The following LRP1B variants were observed in gnomAD, a reference collection of about 807,000 sequenced individuals.
LRP1B encodes LDL receptor related protein 1B.
Under a neutral mutation model 556.6 loss-of-function variants are expected in LRP1B, and 217 were observed. The observed-to-expected ratio is 0.39, with a 90% CI of 0.35 to 0.44. The LOEUF is 0.44. LRP1B is among the 20% of genes least tolerant of loss of function. The pLI, the probability that LRP1B is intolerant of heterozygous loss-of-function variation, is 1.00. For missense variants in LRP1B, 5,053 were observed against 5,620.8 expected (o/e 0.90, Z 3.23); for synonymous variants, 2,047 against 1,865.8 (o/e 1.10, Z -2.50).
intron 2 of LRP1B, among the ~76,000 whole-genome samples, chr2:141,785,927 T>A (rs576595814): frequency 6.6e-6 from 1 of 151,908 alleles, no homozygotes; most frequent in African/African-American, 2.4e-5. Context: ...TAAAGAAGAT[T>A]AAATTTATAT....
chr2:140,343,218 A>T (rs1681484131), intron 77 of LRP1B, among the ~76,000 whole-genome samples: 2 of 151,626 alleles, frequency 1.3e-5, no homozygotes, highest in Non-Finnish European at 3.0e-5. Context: ...CACATCAAAA[A>T]CAATTGGCAA....
chr2:140,372,860 A>G, intron 69 of LRP1B, 148 bp downstream of exon 69: 2 of 792,322 alleles, frequency 2.5e-6, no homozygotes, highest in Non-Finnish European at 4.1e-6. Context: ...GCACACACTA[A>G]TTAATTTATC....
At chr2:140,949,597 AT>A (rs1695644891) in intron 20 of LRP1B, among the ~76,000 whole-genome samples, 1 of 151,338 alleles carries the variant, frequency 6.6e-6, no homozygotes, top group Non-Finnish European at 1.5e-5. Flanking sequence ...TTTTTTTTAT[AT>A]ATTTTCTTTT....
chr2:141,122,862 A>G (rs1701097649), intron 7 of LRP1B, among the ~76,000 whole-genome samples: 1 of 152,188 alleles, frequency 6.6e-6, no homozygotes, highest in Non-Finnish European at 1.5e-5. Context: ...AATGTCCAAC[A>G]ATGATAGACT....
At position 140,969,712 on chromosome 2, in the gene LRP1B, C is replaced by T. The variant is rs147429440; in HGVS notation, c.2887+12448G>A. Among the ~76,000 whole-genome samples the T allele has an allele frequency of 2.0e-3, 309 of 152,182 alleles. 3 individuals carry two copies. Among genetic ancestry groups the T allele is most frequent in the Non-Finnish European group, 3.4e-3 (230 of 68,010 alleles). On this transcript the variant is annotated intron_variant, in intron 18 of 90. Coordinates refer to ENST00000389484, the MANE Select transcript of LRP1B (RefSeq NM_018557.3). ...GCTTCCTTCAGGAGCTCTTGTAGTG[C>T]GGGCCTAGTGGTGACAAAATCTCTC...
At chr2:141,507,360 G>T (rs1377985588) in intron 2 of LRP1B, among the ~76,000 whole-genome samples, 1 of 151,722 alleles carries the variant, frequency 6.6e-6, no homozygotes, top group African/African-American at 2.4e-5. Context: ...TATGCTAAAT[G>T]ATTAAAATGA....
rs142432997 is a variant in LRP1B, at chr2:140,493,245, T to A, written c.9035-552A>T. On this transcript the variant is annotated intron_variant, in intron 56 of 90. Transcript: ENST00000389484. ...TTTGTTAATTTTACCTTTCCTCATG[T>A]GTCTTTTTTTCTAATGCTTTAATAG... Among the ~76,000 whole-genome samples the A allele has an allele frequency of 3.5e-3, 540 of 152,290 alleles. 8 individuals are homozygous for A. Among genetic ancestry groups the A allele is most frequent in the African/African-American group, 0.012 (505 of 41,564 alleles).
intron 77 of LRP1B, among the ~76,000 whole-genome samples, chr2:140,342,703 T>C (rs1280651684): frequency 6.6e-6 from 1 of 151,490 alleles, no homozygotes; most frequent in Non-Finnish European, 1.5e-5. Context: ...CACAGAACAA[T>C]AGAAATCCCT....
At chr2:140,808,019 G>A (rs1004828434) in intron 32 of LRP1B, among the ~76,000 whole-genome samples, 4 of 152,182 alleles carry the variant, frequency 2.6e-5, no homozygotes, top group Non-Finnish European at 5.9e-5. Context: ...TTGAACCTGG[G>A]AGGTGGAGGT....
chr2:141,400,054 C>T lies in LRP1B; in HGVS notation c.343+80342G>A, dbSNP rs564828355. Among the ~76,000 whole-genome samples the T allele has an allele frequency of 2.2e-4, 34 of 152,166 alleles. No individual in the cohort carries two copies. The South Asian group carries it at 6.6e-3, about 30-fold the overall frequency. On this transcript the variant is annotated intron_variant, in intron 3 of 90. Transcript: ENST00000389484. ...TGTCTGGAGCGCAGTGGGGTGATCA[C>T]GTCTCCCGGCAGCTTCAATCTCCCA...
rs1693628515 is a variant in LRP1B, at chr2:140,886,033, C to T, written c.3964+105G>A. 1.2e-5 allele frequency: 8 copies of T among 692,166 alleles called. No homozygotes were observed. In the South Asian group the frequency reaches 1.8e-4, roughly 15 times the overall value. 42.9% of individuals were successfully genotyped at this position (692,166 alleles called of 1,614,324 possible). A position where few individuals can be genotyped will look rare whatever the true frequency, so the allele number is the denominator to read the frequency against. On this transcript the variant is annotated intron_variant, in intron 24 of 90. Transcript: ENST00000389484. ...CATATATGAGGGAGGGGATAAAGGACCAAAGGTCAAAGAATAATCAAAATT... is the reference window on the plus strand; with the variant it reads ...CATATATGAGGGAGGGGATAAAGGATCAAAGGTCAAAGAATAATCAAAATT...
intron 29 of LRP1B, among the ~76,000 whole-genome samples, chr2:140,846,774 G>A (rs764382817): frequency 4.6e-5 from 7 of 151,984 alleles, no homozygotes; most frequent in Non-Finnish European, 1.0e-4. Flanking sequence ...GAAGAGAAAG[G>A]TTTCCACAGA....
chr2:140,253,420 G>T (rs918629907), intron 86 of LRP1B, among the ~76,000 whole-genome samples: 16 of 151,796 alleles, frequency 1.1e-4, no homozygotes, highest in African/African-American at 3.9e-4. Flanking sequence ...TTAATAAAAT[G>T]GATTATTTAA....
chr2:141,869,388 A>G (rs1348816067), intron 1 of LRP1B, among the ~76,000 whole-genome samples: 1 of 151,856 alleles, frequency 6.6e-6, no homozygotes, highest in East Asian at 1.9e-4. Flanking sequence ...CTTCAGAATA[A>G]GGATGATAAT....
At chr2:140,573,737 G>A (rs145269199) in intron 43 of LRP1B, among the ~76,000 whole-genome samples, 1,570 of 152,052 alleles carry the variant, frequency 0.01, 19 homozygotes, top group African/African-American at 0.034. Context: ...CCAAGTCAGT[G>A]TGTTTTCCTA....
chr2:140,494,194 G>A (rs1253625169), intron 56 of LRP1B, among the ~76,000 whole-genome samples: 4 of 152,060 alleles, frequency 2.6e-5, no homozygotes, highest in Non-Finnish European at 5.9e-5. Context: ...AACAACTATG[G>A]TGTGGATACA....
chr2:140,740,119 C>T (rs114057403), intron 35 of LRP1B, among the ~76,000 whole-genome samples: 2,746 of 152,186 alleles, frequency 0.018, 47 homozygotes, highest in Non-Finnish European at 0.025. Context: ...TGTGGAAATT[C>T]CTTAAAAAAC....
At chr2:141,059,209 G>T (rs1031809322) in intron 8 of LRP1B, among the ~76,000 whole-genome samples, 155 bp from the exon 9 acceptor site, 1 of 151,732 alleles carries the variant, frequency 6.6e-6, no homozygotes, top group South Asian at 2.1e-4. Context: ...ACATTTCCCT[G>T]ATTAAAACTT....
At chr2:141,987,121 G>C (rs999703192) in intron 1 of LRP1B, among the ~76,000 whole-genome samples, 4 of 149,498 alleles carry the variant, frequency 2.7e-5, no homozygotes, top group Admixed American at 6.8e-5. Flanking sequence ...TCTCCAGCAT[G>C]AAACATCTAT....
Sources: gnomAD v4.1 joint callset for allele counts (sites outside exome capture counted in the v4.1 genomes callset) on GRCh38, gnomAD v4.1.1 for gene constraint, MANE v1.5 for transcripts, NCBI Gene and HGNC (gene_info 2026-07-23, HGNC 2026-07-21) for gene names.